GALNT13: variants seen among roughly 807,000 people sequenced by gnomAD.
The protein encoded by GALNT13 is polypeptide N-acetylgalactosaminyltransferase 13.
Under a neutral mutation model 64.2 loss-of-function variants are expected in GALNT13, and 28 were observed. That is an observed-to-expected ratio of 0.44 (90% CI 0.32 to 0.60). The LOEUF (loss-of-function observed/expected upper bound fraction) is 0.60, where lower values mean the gene tolerates loss of function less well. GALNT13 is among the 20% of genes least tolerant of loss of function. The pLI, the probability that GALNT13 is intolerant of heterozygous loss-of-function variation, is 0.05. For synonymous variants in GALNT13, 214 were observed against 224.6 expected (o/e 0.95, Z 0.42); for missense variants, 577 against 669.8 (o/e 0.86, Z 1.53).
chr2:153,953,218 A>C (rs72993610), intron 3 of GALNT13, among the ~76,000 whole-genome samples: 1 of 152,148 alleles, frequency 6.6e-6, no homozygotes, highest in Non-Finnish European at 1.5e-5. Context: ...AACCTTAAAC[A>C]TATGACATAT....
the GALNT13 span, among the ~76,000 whole-genome samples, chr2:153,277,575 G>A: frequency 5.3e-5 from 8 of 152,226 alleles, no homozygotes; most frequent in East Asian, 3.9e-4. Context: ...ACCCAGTAAT[G>A]GGGTGCTGGG....
chr2:153,478,302 G>A, the GALNT13 span: 1 of 1,614,152 alleles, frequency 6.2e-7, no homozygotes, highest in South Asian at 1.1e-5. Context: ...CGAGGAAGTT[G>A]ATCATGCCCT....
At chr2:153,091,031 A>T in the GALNT13 span, among the ~76,000 whole-genome samples, 1 of 151,918 alleles carries the variant, frequency 6.6e-6, no homozygotes, top group Non-Finnish European at 1.5e-5. Flanking sequence ...TGGCTTTCAG[A>T]CCTTGACCCT....
the GALNT13 span, among the ~76,000 whole-genome samples, chr2:153,277,176 A>G: frequency 6.6e-6 from 1 of 152,218 alleles, no homozygotes; most frequent in Admixed American, 6.5e-5. Flanking sequence ...ATAGTACCCC[A>G]TAGGCAGATT....
the GALNT13 span, among the ~76,000 whole-genome samples, chr2:153,651,641 T>C: frequency 6.6e-6 from 1 of 152,202 alleles, no homozygotes; most frequent in African/African-American, 2.4e-5. Context: ...TTGGTTGGCA[T>C]TGAAGCTGAC....
chr2:153,760,875 C>A, the GALNT13 span, among the ~76,000 whole-genome samples: 1 of 152,110 alleles, frequency 6.6e-6, no homozygotes, highest in Non-Finnish European at 1.5e-5. Context: ...CCCTTCAGAT[C>A]CTTTAAGATT....
intron 4 of GALNT13, among the ~76,000 whole-genome samples, chr2:154,221,725 T>A (rs1285593272): frequency 6.6e-6 from 1 of 152,146 alleles, no homozygotes; most frequent in Non-Finnish European, 1.5e-5. Flanking sequence ...CTTGAAATCT[T>A]CCTTCTGACA....
At chr2:154,225,133 T>C (rs373589069) in intron 4 of GALNT13, among the ~76,000 whole-genome samples, 71 of 101,974 alleles carry the variant, frequency 7.0e-4, no homozygotes, top group African/African-American at 2.2e-3. Context: ...GATAGATAGA[T>C]AGATAGATAG....
chr2:153,718,633 C>T, the GALNT13 span, among the ~76,000 whole-genome samples: 1 of 152,110 alleles, frequency 6.6e-6, no homozygotes, highest in African/African-American at 2.4e-5. Context: ...AACGCAGTGA[C>T]ATGAGGAGGC....
chr2:153,770,558 G>A, the GALNT13 span, among the ~76,000 whole-genome samples: 1 of 152,320 alleles, frequency 6.6e-6, no homozygotes, highest in East Asian at 1.9e-4. Context: ...GAGGCCAGTG[G>A]GTGGTGCTCA....
At chr2:154,044,279 AAC>A (rs1044777385) in intron 3 of GALNT13, among the ~76,000 whole-genome samples, 1 of 152,178 alleles carries the variant, frequency 6.6e-6, no homozygotes. Flanking sequence ...GTGTGAAATT[AAC>A]AGATATTAAT....
intron 1 of GALNT13, among the ~76,000 whole-genome samples, chr2:153,880,151 A>T (rs1159979575): frequency 2.6e-5 from 4 of 152,250 alleles, no homozygotes; most frequent in Admixed American, 6.5e-5. Context: ...ATTAGGAAAT[A>T]TTCATATTTA....
the GALNT13 span, among the ~76,000 whole-genome samples, chr2:153,843,798 A>G: frequency 6.6e-6 from 1 of 152,202 alleles, no homozygotes; most frequent in Non-Finnish European, 1.5e-5. Context: ...GAGAAGGGTT[A>G]CAGGCCCCAT....
chr2:153,929,628 T>C (rs1012305663), intron 2 of GALNT13, among the ~76,000 whole-genome samples: 1 of 152,112 alleles, frequency 6.6e-6, no homozygotes, highest in Admixed American at 6.6e-5. Flanking sequence ...TGTTAATTCT[T>C]TTAGGACAAT....
intron 3 of GALNT13, among the ~76,000 whole-genome samples, chr2:154,052,125 C>G (rs1338042456): frequency 6.6e-6 from 1 of 152,116 alleles, no homozygotes; most frequent in Admixed American, 6.5e-5. Flanking sequence ...AATCCAGATT[C>G]CTAATCCTTC....
At chr2:153,555,026 T>C in the GALNT13 span, among the ~76,000 whole-genome samples, 1 of 152,076 alleles carries the variant, frequency 6.6e-6, no homozygotes, top group African/African-American at 2.4e-5. Flanking sequence ...AACTATTTTG[T>C]TGGATAAATG....
At chr2:153,519,672 A>T in the GALNT13 span, among the ~76,000 whole-genome samples, 1 of 152,132 alleles carries the variant, frequency 6.6e-6, no homozygotes, top group Non-Finnish European at 1.5e-5. Context: ...ATAGGCTTCA[A>T]TGGGAAATAT....
the GALNT13 span, among the ~76,000 whole-genome samples, chr2:153,523,552 TTAAG>T: frequency 6.6e-6 from 1 of 152,226 alleles, no homozygotes; most frequent in Non-Finnish European, 1.5e-5. Context: ...AGATCTGTAC[TTAAG>T]TATCTTATTT....
At chr2:154,416,670 T>A (rs1430845146) in intron 11 of GALNT13, among the ~76,000 whole-genome samples, 5 of 152,162 alleles carry the variant, frequency 3.3e-5, no homozygotes, top group Non-Finnish European at 5.9e-5. Context: ...ATGAGTTATC[T>A]CTTTACCCTC....
Sources: allele counts gnomAD v4.1 joint callset (sites outside exome capture counted in the v4.1 genomes callset), GRCh38; gene constraint gnomAD v4.1.1; transcripts MANE v1.5; gene names NCBI Gene and HGNC (gene_info 2026-07-23, HGNC 2026-07-21).